The following HYDIN variants were observed in gnomAD, a reference collection of about 807,000 sequenced individuals.
HYDIN encodes the protein axonemal central pair apparatus protein HYDIN.
Under a neutral mutation model 403.9 loss-of-function variants are expected in HYDIN, and 132 were observed. The ratio of observed to expected loss-of-function variants is 0.33; its 90% CI spans 0.28 to 0.38. The LOEUF is 0.38. Ranked by LOEUF, HYDIN falls within the 10% of genes least tolerant of loss-of-function variation. HYDIN has a pLI of 1.00. For missense variants in HYDIN, 2,827 were observed against 5,009.5 expected, an observed-to-expected ratio of 0.56 and a Z score of 13.15; for synonymous variants, 1,202 against 1,891.7, an observed-to-expected ratio of 0.64 and a Z score of 9.46.
intron 60 of HYDIN, among the ~76,000 whole-genome samples, chr16:70,880,208 G>A (rs1320815944): frequency 2.3e-5 from 3 of 129,200 alleles, no homozygotes; most frequent in African/African-American, 1.1e-4. Context: ...ACAGGAGTGT[G>A]CCACTATGCC....
At chr16:71,195,835 T>C (rs2087672295) in intron 1 of HYDIN, among the ~76,000 whole-genome samples, 2 of 152,294 alleles carry the variant, frequency 1.3e-5, no homozygotes, top group South Asian at 4.1e-4. Context: ...AGATGTATAA[T>C]GAAAAGGAGT....
At chr16:70,915,041 T>A (rs1376252134) in intron 47 of HYDIN, among the ~76,000 whole-genome samples, 1 of 151,614 alleles carries the variant, frequency 6.6e-6, no homozygotes. Flanking sequence ...TCCCTTTACT[T>A]CTTCTATCAT....
chr16:71,021,694 A>G (rs1202203448), intron 21 of HYDIN, among the ~76,000 whole-genome samples: 1 of 152,092 alleles, frequency 6.6e-6, no homozygotes, highest in Non-Finnish European at 1.5e-5. Flanking sequence ...TGGCCTCCAA[A>G]AAGAACCTCC....
intron 23 of HYDIN, among the ~76,000 whole-genome samples, chr16:70,997,874 G>T (rs2458375): frequency 1.4e-5 from 2 of 139,402 alleles, no homozygotes; most frequent in Non-Finnish European, 3.1e-5. Flanking sequence ...CTCAAATGTT[G>T]TATCAGATGG....
At chr16:70,968,774 G>C (rs1260423568) in intron 36 of HYDIN, among the ~76,000 whole-genome samples, 1 of 152,146 alleles carries the variant, frequency 6.6e-6, no homozygotes, top group Non-Finnish European at 1.5e-5. Flanking sequence ...GTAACAACCA[G>C]GAAAACTTCA....
chr16:71,197,972 C>T (rs2087789587), intron 1 of HYDIN, among the ~76,000 whole-genome samples: 1 of 152,196 alleles, frequency 6.6e-6, no homozygotes, highest in Admixed American at 6.5e-5. Flanking sequence ...GTCTCAAACT[C>T]CTGACCTCAA....
intron 72 of HYDIN, among the ~76,000 whole-genome samples, chr16:70,855,881 C>T (rs1259269566): frequency 1.3e-5 from 2 of 152,184 alleles, no homozygotes; most frequent in Non-Finnish European, 2.9e-5. Flanking sequence ...AAATATGTCC[C>T]GAGCAATATT....
In HYDIN at chr16:70,916,730, C is replaced by T. The variant is rs536073975; in HGVS notation, c.8004+1481G>A. 9.2e-5 allele frequency among the ~76,000 whole-genome samples: 14 copies of T among 152,348 alleles called. No individual in the cohort carries two copies. In the South Asian group the frequency reaches 2.5e-3, roughly 27 times the overall value. On this transcript the variant is annotated intron_variant, in intron 47 of 85. Coordinates refer to ENST00000393567, the MANE Select transcript of HYDIN (RefSeq NM_001270974.2). ...ACCCTCCTGCCCCCTCTCCCAATCA[C>T]ACTGCCTTTTTAGAGAGACCAGATT... is the stretch of plus-strand genomic sequence containing the variant.
rs761374855 is a variant in HYDIN, at chr16:71,175,674, A to C, written c.449T>G (p.Ile150Ser). Reference sequence around the variant, plus strand: ...CACTCCAGGAGCCACTTTGTGGCCAATATCTTTGGGGCTGATTACTTTAAA... The same window carrying C: ...CACTCCAGGAGCCACTTTGTGGCCACTATCTTTGGGGCTGATTACTTTAAA... ...PYFKVISPKD[I>S]GHKVAPGVPS... is the part of the protein sequence containing the mutation. Residue 150 changes from isoleucine (I) to serine (S), a missense_variant, in exon 5 of 86, where the codon ATT becomes AGT. By Grantham distance (142) the Ile-to-Ser change is moderately radical. Transcript: ENST00000393567. The C allele has an allele frequency of 1.9e-6, 3 of 1,614,164 alleles. No individual in the cohort carries two copies. Among genetic ancestry groups the C allele is most frequent in the Non-Finnish European group, 2.5e-6 (3 of 1,179,968 alleles).
At chr16:70,931,755 C>T (rs2143847972) in intron 45 of HYDIN, among the ~76,000 whole-genome samples, 1 of 152,266 alleles carries the variant, frequency 6.6e-6, no homozygotes, top group South Asian at 2.1e-4. Flanking sequence ...TGGCTCATGC[C>T]TGTAATCCCA....
chr16:70,909,678 T>C (rs1899225667), intron 47 of HYDIN, among the ~76,000 whole-genome samples: 1 of 139,554 alleles, frequency 7.2e-6, no homozygotes, highest in African/African-American at 2.6e-5. Flanking sequence ...CCTATTTGTC[T>C]CAGGCATGTC....
At chr16:71,090,509 GTT>G (rs1292998737) in intron 11 of HYDIN, 1 of 152,124 alleles carries the variant, frequency 6.6e-6, no homozygotes, top group African/African-American at 2.4e-5. Flanking sequence ...TTTGTTTTTT[GTT>G]TTTTAAGAGA....
chr16:71,195,741 T>C (rs746264776), intron 1 of HYDIN, among the ~76,000 whole-genome samples: 2 of 152,224 alleles, frequency 1.3e-5, no homozygotes, highest in Non-Finnish European at 2.9e-5. Flanking sequence ...GATATGTGCC[T>C]TCTTATATCT....
chr16:70,834,961 CACACATATATGTGTGTATATATATATAT>C (rs1217760318), intron 78 of HYDIN, among the ~76,000 whole-genome samples: 91 of 138,834 alleles, frequency 6.6e-4, no homozygotes, highest in African/African-American at 2.7e-3. Context: ...TATATATATA[CACACATATATGTGTGTATATATATATAT>C]ATACACACAT....
chr16:70,806,206 CA>C lies in HYDIN; in HGVS notation c.*1373del, dbSNP rs1160807666. ...TACTGTGCCTAATTTATAAATTAAT[CA>C]AAGGTATGTATGTAAAGGAAAATAC... is the stretch of plus-strand genomic sequence containing the variant. On this transcript the variant is annotated 3_prime_UTR_variant, in exon 86 of 86. Coordinates refer to ENST00000393567, the MANE Select transcript of HYDIN (RefSeq NM_001270974.2). 6.6e-6 allele frequency among the ~76,000 whole-genome samples: 1 copy of C among 152,006 alleles called. No homozygotes were observed. The highest frequency in any genetic ancestry group is 1.5e-5 in the Non-Finnish European group (1 of 67,998).
At chr16:70,902,794 A>AATATATATATATATATATATATAT (rs1264288990) in intron 52 of HYDIN, among the ~76,000 whole-genome samples, 1 of 61,148 alleles carries the variant, frequency 1.6e-5, no homozygotes, top group African/African-American at 1.0e-4. Flanking sequence ...CTACTCTTTA[A>AATATATATATATATATATATATAT]ATATATATAT....
intron 1 of HYDIN, among the ~76,000 whole-genome samples, chr16:71,210,879 A>AT (rs760516878): frequency 1.3e-5 from 2 of 152,198 alleles, no homozygotes; most frequent in Non-Finnish European, 2.9e-5. Flanking sequence ...TATTATTATA[A>AT]TTTTTTACAA....
At chr16:71,188,243 C>A (rs1410554428) in intron 1 of HYDIN, among the ~76,000 whole-genome samples, 1 of 152,126 alleles carries the variant, frequency 6.6e-6, no homozygotes, top group Admixed American at 6.6e-5. Flanking sequence ...AATCCTCCAA[C>A]CTAGGCCTCC....
chr16:71,202,893 T>C (rs747126173), intron 1 of HYDIN, among the ~76,000 whole-genome samples: 48 of 152,238 alleles, frequency 3.2e-4, no homozygotes, highest in Non-Finnish European at 6.6e-4. Context: ...TCCAGAGAGG[T>C]AGGCAGACAT....
Sources: allele counts gnomAD v4.1 joint callset (sites outside exome capture counted in the v4.1 genomes callset), GRCh38; gene constraint gnomAD v4.1.1; transcripts MANE v1.5; gene names NCBI Gene and HGNC (gene_info 2026-07-23, HGNC 2026-07-21).